Variants in ATF6 observed in about 807,000 individuals in gnomAD.
ATF6 encodes the protein activating transcription factor 6, also known as cyclic AMP-dependent transcription factor ATF-6 alpha.
Under a neutral mutation model 83.6 loss-of-function variants are expected in ATF6, and 53 were observed. That is an observed-to-expected ratio of 0.63 (90% CI 0.51 to 0.80). The LOEUF is 0.80. Among genes scored for constraint, ATF6 ranks in the 30% least tolerant of loss-of-function variants. The pLI is 0.00. For missense variants in ATF6, 744 were observed against 797.9 expected (o/e 0.93, Z 0.81); for synonymous variants, 288 against 285.8 (o/e 1.01, Z -0.08).
chr1:161,909,197 T>G (rs1285450872), intron 14 of ATF6, among the ~76,000 whole-genome samples: 1 of 152,184 alleles, frequency 6.6e-6, no homozygotes, highest in Non-Finnish European at 1.5e-5. Flanking sequence ...CCCTGTCTCC[T>G]TCTGTCTTCT....
intron 15 of ATF6, among the ~76,000 whole-genome samples, chr1:161,912,702 G>A (rs186535437): frequency 6.6e-6 from 1 of 152,248 alleles, no homozygotes; most frequent in Admixed American, 6.5e-5. Flanking sequence ...TTCTGACAGT[G>A]AATTTGTAAA....
Position 161,829,785 on chromosome 1 carries a change from G to T in ATF6, c.1187+8624G>T, listed in dbSNP as rs562470126. ...CATGCTAAAAACTCTCAATAAACTA[G>T]GTATTGATGGAACATATCTCAAAAT... On this transcript the variant is annotated intron_variant, in intron 9 of 15. Transcript: ENST00000367942. Among the ~76,000 whole-genome samples the T allele has an allele frequency of 2.6e-5, 4 of 152,218 alleles. 1 individual carries two copies. In the South Asian group the frequency reaches 8.3e-4, roughly 32 times the overall value.
intron 12 of ATF6, among the ~76,000 whole-genome samples, chr1:161,859,934 A>G (rs1686847722): frequency 6.6e-6 from 1 of 152,172 alleles, no homozygotes; most frequent in Non-Finnish European, 1.5e-5. Flanking sequence ...GCTTGGTCAT[A>G]AAATTTGTGG....
chr1:161,856,294 C>T (rs1369683204), intron 12 of ATF6, among the ~76,000 whole-genome samples: 1 of 152,156 alleles, frequency 6.6e-6, no homozygotes, highest in Non-Finnish European at 1.5e-5. Context: ...ACTTTTTTCA[C>T]CTACTATAGT....
chr1:161,896,868 A>G (rs2101875564), intron 14 of ATF6, among the ~76,000 whole-genome samples: 1 of 152,312 alleles, frequency 6.6e-6, no homozygotes, highest in South Asian at 2.1e-4. Context: ...AGAGATATAT[A>G]TGGCAGCACA....
chr1:161,824,610 G>A (rs74321849), intron 9 of ATF6, among the ~76,000 whole-genome samples: 1 of 152,224 alleles, frequency 6.6e-6, no homozygotes, highest in African/African-American at 2.4e-5. Flanking sequence ...TAGAACAGTG[G>A]CTGGCACATA....
chr1:161,891,857 T>C (rs1459840595), intron 14 of ATF6: 2 of 152,198 alleles, frequency 1.3e-5, no homozygotes. Context: ...TTTATTTGAT[T>C]TTCCTTTTGT....
At position 161,963,916 on chromosome 1, in the gene ATF6, G is replaced by T. The variant is rs1321219552; in HGVS notation, c.*5262G>T. On this transcript the variant is annotated 3_prime_UTR_variant, in exon 16 of 16. Transcript: ENST00000367942. ...CATGCCAATTGAAGAACGTGTTAAAGATGAGGAGGAGAGATGTACCATTCT... is the reference window on the plus strand; with the variant it reads ...CATGCCAATTGAAGAACGTGTTAAATATGAGGAGGAGAGATGTACCATTCT... The T allele has an allele frequency of 6.6e-6, 1 of 152,166 alleles. No homozygotes were observed. The highest frequency in any genetic ancestry group is 2.4e-5 in the African/African-American group (1 of 41,436). The allele number at this position is 152,166 out of a possible 1,614,324, so 9.4% of individuals were successfully genotyped here. A position where few individuals can be genotyped will look rare whatever the true frequency, so the allele number is the denominator to read the frequency against.
intron 14 of ATF6, among the ~76,000 whole-genome samples, chr1:161,884,528 A>T (rs561643607): frequency 2.0e-4 from 30 of 151,650 alleles, no homozygotes; most frequent in African/African-American, 5.1e-4. Flanking sequence ...TTTTTTTTTT[A>T]AAAAAGCTCT....
intron 7 of ATF6, among the ~76,000 whole-genome samples, chr1:161,814,911 T>C (rs1366026151): frequency 2.6e-5 from 4 of 152,200 alleles, no homozygotes; most frequent in Non-Finnish European, 4.4e-5. Flanking sequence ...GCAATACATA[T>C]GCAATAATGT....
chr1:161,798,844 A>T (rs190847920), intron 6 of ATF6, among the ~76,000 whole-genome samples: 13 of 152,350 alleles, frequency 8.5e-5, no homozygotes, highest in Non-Finnish European at 4.4e-5. Context: ...GCATATGAAA[A>T]AATGCTCAAC....
chr1:161,918,214 G>A (rs981650303), intron 15 of ATF6, among the ~76,000 whole-genome samples: 1 of 151,920 alleles, frequency 6.6e-6, no homozygotes, highest in Non-Finnish European at 1.5e-5. Flanking sequence ...ATGTTATTTG[G>A]TGATAACTTT....
chr1:161,910,798 G>A (rs1687976612), intron 14 of ATF6, among the ~76,000 whole-genome samples: 1 of 151,948 alleles, frequency 6.6e-6, no homozygotes, highest in African/African-American at 2.4e-5. Flanking sequence ...AGAAATGTGT[G>A]ATCTTTGTGT....
intron 14 of ATF6, among the ~76,000 whole-genome samples, chr1:161,871,270 T>TG (rs1170680598): frequency 6.6e-6 from 1 of 151,704 alleles, no homozygotes; most frequent in Non-Finnish European, 1.5e-5. Context: ...AGCTTTGGTG[T>TG]GGGTGGACTT....
chr1:161,771,042 T>C (rs1018428524), intron 1 of ATF6, among the ~76,000 whole-genome samples: 1 of 152,196 alleles, frequency 6.6e-6, no homozygotes, highest in Non-Finnish European at 1.5e-5. Flanking sequence ...AGGTGTGTAG[T>C]GGTATGTTTT....
chr1:161,866,321 C>T (rs1303036741), intron 14 of ATF6, among the ~76,000 whole-genome samples: 1 of 152,204 alleles, frequency 6.6e-6, no homozygotes, highest in African/African-American at 2.4e-5. Context: ...CTTACACTCC[C>T]TCACACCCTG....
chr1:161,807,141 T>G (rs1685304024), intron 7 of ATF6, among the ~76,000 whole-genome samples: 1 of 152,170 alleles, frequency 6.6e-6, no homozygotes. Flanking sequence ...CCTTGCATTC[T>G]TTGCATACCC....
At chr1:161,817,013 T>C (rs1301175100) in intron 7 of ATF6, among the ~76,000 whole-genome samples, 3 of 152,256 alleles carry the variant, frequency 2.0e-5, no homozygotes, top group African/African-American at 7.2e-5. Context: ...TATTTATTGA[T>C]AGTATTGAAT....
chr1:161,906,976 C>T (rs968426660), intron 14 of ATF6, among the ~76,000 whole-genome samples: 1 of 152,118 alleles, frequency 6.6e-6, no homozygotes, highest in Non-Finnish European at 1.5e-5. Flanking sequence ...CTTAATTTTA[C>T]CACCCCTAAT....
Sources: gnomAD v4.1 joint callset for allele counts (sites outside exome capture counted in the v4.1 genomes callset) on GRCh38, gnomAD v4.1.1 for gene constraint, MANE v1.5 for transcripts, NCBI Gene and HGNC (gene_info 2026-07-23, HGNC 2026-07-21) for gene names.